MTTP: variants seen among roughly 807,000 people sequenced by gnomAD.
MTTP encodes microsomal triglyceride transfer protein large subunit.
A neutral mutation model predicts 90.6 loss-of-function variants in MTTP; 49 were observed. The observed-to-expected ratio is 0.54, with a 90% CI of 0.43 to 0.69. MTTP has a LOEUF of 0.69. Among genes scored for constraint, MTTP ranks in the 30% least tolerant of loss-of-function variants. The pLI is 0.00. For synonymous variants in MTTP, 347 were observed against 384.2 expected (o/e 0.90, Z 1.13); for missense variants, 945 against 1,067.5 (o/e 0.89, Z 1.60).
intron 3 of MTTP, among the ~76,000 whole-genome samples, chr4:99,586,688 A>C (rs985616684): frequency 3.3e-5 from 5 of 152,058 alleles, no homozygotes. Context: ...TCTTTTTATT[A>C]TTTTTATTGT....
intron 3 of MTTP, chr4:99,584,047 G>A (rs1725194699): frequency 6.5e-6 from 1 of 153,620 alleles, no homozygotes; most frequent in Non-Finnish European, 1.4e-5. Context: ...ACTATGACAT[G>A]GAAAAGCCTT....
At chr4:99,614,390 C>T (rs75988782) in intron 15 of MTTP, among the ~76,000 whole-genome samples, 1 of 152,312 alleles carries the variant, frequency 6.6e-6, no homozygotes, top group East Asian at 1.9e-4. Flanking sequence ...TGTATTAAAA[C>T]TCCTCCAAAA....
At chr4:99,618,102 T>C (rs1726141050) in intron 15 of MTTP, among the ~76,000 whole-genome samples, 1 of 152,174 alleles carries the variant, frequency 6.6e-6, no homozygotes, top group African/African-American at 2.4e-5. Flanking sequence ...ATTTTTAAAA[T>C]ACAGCATAAC....
intron 10 of MTTP, among the ~76,000 whole-genome samples, chr4:99,603,517 A>C (rs1360354354): frequency 6.6e-6 from 1 of 152,108 alleles, no homozygotes; most frequent in Non-Finnish European, 1.5e-5. Flanking sequence ...GGCTGAGAGG[A>C]GATACATTCA....
At chr4:99,568,625 T>C (rs1724761834) in intron 1 of MTTP, among the ~76,000 whole-genome samples, 1 of 152,078 alleles carries the variant, frequency 6.6e-6, no homozygotes, top group Non-Finnish European at 1.5e-5. Context: ...CTTGGAGAAA[T>C]GAGTGATTCT....
chr4:99,620,285 A>G (rs572166601), intron 16 of MTTP, among the ~76,000 whole-genome samples: 2 of 152,372 alleles, frequency 1.3e-5, no homozygotes, highest in South Asian at 2.1e-4. Context: ...CTGTCAAAAC[A>G]TAAGGGCATA....
intron 16 of MTTP, among the ~76,000 whole-genome samples, chr4:99,619,434 C>G (rs1726177985): frequency 6.6e-6 from 1 of 151,982 alleles, no homozygotes; most frequent in Non-Finnish European, 1.5e-5. Context: ...CTTTTGTTGT[C>G]TTCAGTGGGG....
intron 10 of MTTP, among the ~76,000 whole-genome samples, chr4:99,605,557 G>A (rs964788634): frequency 8.6e-5 from 13 of 152,026 alleles, no homozygotes; most frequent in African/African-American, 3.1e-4. Context: ...ACAGATTTTT[G>A]CTATTGTTGA....
upstream of MTTP, among the ~76,000 whole-genome samples, chr4:99,569,915 C>T (rs1377189219): frequency 6.6e-6 from 1 of 151,906 alleles, no homozygotes; most frequent in Non-Finnish European, 1.5e-5. Context: ...TCATGGAATT[C>T]TGTTGAATTG....
At chr4:99,591,840 AT>A in intron 6 of MTTP, 50 bp downstream of exon 6, 1 of 1,450,444 alleles carries the variant, frequency 6.9e-7, no homozygotes, top group East Asian at 2.4e-5. Flanking sequence ...TTGTTATATT[AT>A]TATACTTGAT....
At chr4:99,570,516 C>A (rs186320356), upstream of MTTP, among the ~76,000 whole-genome samples, 4 of 152,028 alleles carry the variant, frequency 2.6e-5, no homozygotes, top group East Asian at 7.7e-4. Flanking sequence ...AATTATCCTG[C>A]TTAAGACTTA....
Position 99,613,128 on chromosome 4 carries a change from A to G in MTTP, c.2205A>G (p.Ile735Met), listed in dbSNP as rs756138896. The G allele has an allele frequency of 6.2e-7, 1 of 1,613,320 alleles. No homozygotes were observed. Residue 735 changes from isoleucine to methionine, a missense_variant, in exon 15 of 18, where the codon ATA (isoleucine) becomes ATG (methionine). By Grantham distance (10) the Ile-to-Met change is conservative (BLOSUM62 1). Coordinates refer to ENST00000265517, the MANE Select transcript of MTTP (RefSeq NM_001386140.1). The part of the protein sequence containing the change: ...ISVVKGLILL[I>M]DHSQELQLQS... ...TGGTGAAAGGACTTATTCTGCTAATAGATCATTCTCAGGTAATTCATTCAG... is the reference window on the plus strand; with the variant it reads ...TGGTGAAAGGACTTATTCTGCTAATGGATCATTCTCAGGTAATTCATTCAG...
chr4:99,612,657 AC>A (rs1248550982), intron 14 of MTTP, among the ~76,000 whole-genome samples: 1 of 151,998 alleles, frequency 6.6e-6, no homozygotes, highest in African/African-American at 2.4e-5. Context: ...AAACTTGAAA[AC>A]TTTTTTTGCC....
chr4:99,619,944 A>G (rs1028804847), intron 16 of MTTP, among the ~76,000 whole-genome samples: 6 of 152,212 alleles, frequency 3.9e-5, no homozygotes, highest in African/African-American at 1.2e-4. Context: ...ACCTCTTTCC[A>G]AAGTACTTTC....
chr4:99,581,058 T>C (rs1478561201), intron 1 of MTTP, among the ~76,000 whole-genome samples: 1 of 152,220 alleles, frequency 6.6e-6, no homozygotes, highest in Non-Finnish European at 1.5e-5. Flanking sequence ...AAGTCTTTTT[T>C]AACTATCTCC....
At chr4:99,614,517 G>C (rs1726051922) in intron 15 of MTTP, among the ~76,000 whole-genome samples, 1 of 152,190 alleles carries the variant, frequency 6.6e-6, no homozygotes, top group South Asian at 2.1e-4. Flanking sequence ...TAACTAAATA[G>C]TTTCACTTTT....
chr4:99,589,432 T>A (rs914617417), intron 3 of MTTP, among the ~76,000 whole-genome samples: 2 of 152,070 alleles, frequency 1.3e-5, no homozygotes, highest in African/African-American at 4.8e-5. Context: ...GCAAGAGCCT[T>A]CATTATCGGT....
At chr4:99,592,959 G>T (rs142418133) in intron 6 of MTTP, among the ~76,000 whole-genome samples, 1,605 of 152,160 alleles carry the variant, frequency 0.011, 19 homozygotes, top group Middle Eastern at 0.031. Context: ...CACCAGCATC[G>T]ACAAAAACAC....
chr4:99,583,432 A>G lies in MTTP; in HGVS notation c.308A>G (p.Lys103Arg). Residue 103 changes from lysine (K) to arginine (R), a missense_variant, in exon 3 of 18, where the codon AAA (lysine) becomes AGA (arginine). Coordinates refer to ENST00000265517, the MANE Select transcript of MTTP (RefSeq NM_001386140.1). ...NQQRGEKSIF[K>R]GKSPSKIMGK... ...CAGAGAGGAGAGAAGAGCATCTTCA[A>G]AGGAAAAAGCCCATCTAAAATAATG... 5 of 1,613,564 alleles carry G rather than the reference A, an allele frequency of 3.1e-6. No homozygotes were observed. Among genetic ancestry groups the G allele is most frequent in the Non-Finnish European group, 4.2e-6 (5 of 1,179,768 alleles).
Sources: allele counts gnomAD v4.1 joint callset (sites outside exome capture counted in the v4.1 genomes callset), GRCh38; gene constraint gnomAD v4.1.1; transcripts MANE v1.5; gene names NCBI Gene and HGNC (gene_info 2026-07-23, HGNC 2026-07-21).